The following ROBO1 variants were observed in gnomAD, a reference collection of about 807,000 sequenced individuals.
ROBO1 encodes roundabout guidance receptor 1.
In ROBO1, 149 loss-of-function variants were observed where a neutral mutation model predicts 195.9. The observed-to-expected ratio is 0.76, with a 90% confidence interval of 0.67 to 0.87. The LOEUF (loss-of-function observed/expected upper bound fraction) is 0.87, where lower values mean the gene tolerates loss of function less well. Among genes scored for constraint, ROBO1 ranks in the 40% least tolerant of loss-of-function variants. ROBO1 has a pLI of 0.00. For synonymous variants in ROBO1, 816 were observed against 733.2 expected, an observed-to-expected ratio of 1.11 and a Z score of -1.82; for missense variants, 1,933 against 2,068.3, an observed-to-expected ratio of 0.93 and a Z score of 1.27.
At chr3:79,061,007 A>C (rs2078907125) in intron 3 of ROBO1, among the ~76,000 whole-genome samples, 2 of 152,148 alleles carry the variant, frequency 1.3e-5, no homozygotes, top group South Asian at 4.1e-4. Context: ...CAGGGCAATC[A>C]GGCCAAGAGA....
chr3:79,750,946 A>T (rs1576317888), intron 1 of ROBO1, among the ~76,000 whole-genome samples: 1 of 152,220 alleles, frequency 6.6e-6, no homozygotes, highest in East Asian at 1.9e-4. Flanking sequence ...TAAACAAACC[A>T]TTAATTTTTT....
At chr3:78,989,464 A>AT (rs567793668) in intron 3 of ROBO1, among the ~76,000 whole-genome samples, 78 of 152,282 alleles carry the variant, frequency 5.1e-4, no homozygotes, top group African/African-American at 1.6e-3. Context: ...AAATACAAAA[A>AT]TTAGCTGGGC....
intron 4 of ROBO1, among the ~76,000 whole-genome samples, chr3:78,842,896 GA>G (rs1380178731): frequency 6.6e-6 from 1 of 151,804 alleles, no homozygotes; most frequent in African/African-American, 2.4e-5. Context: ...CTTTCAAAAG[GA>G]CATTTATACC....
At chr3:79,652,917 T>C (rs75641904) in intron 1 of ROBO1, among the ~76,000 whole-genome samples, 4 of 151,978 alleles carry the variant, frequency 2.6e-5, no homozygotes, top group Non-Finnish European at 5.9e-5. Flanking sequence ...CAGACCATTC[T>C]ACTTAAAGAA....
At chr3:79,543,861 G>A (rs1208609532) in intron 2 of ROBO1, among the ~76,000 whole-genome samples, 4 of 152,076 alleles carry the variant, frequency 2.6e-5, no homozygotes, top group Non-Finnish European at 5.9e-5. Flanking sequence ...GTATGCAAAT[G>A]TGTGGTATCC....
chr3:78,644,138 T>A (rs367594691), intron 21 of ROBO1, among the ~76,000 whole-genome samples: 1 of 151,962 alleles, frequency 6.6e-6, no homozygotes, highest in Admixed American at 6.6e-5. Context: ...CAGACACACA[T>A]ACACACACAA....
At chr3:79,719,735 A>G (rs945788047) in intron 1 of ROBO1, among the ~76,000 whole-genome samples, 6 of 152,204 alleles carry the variant, frequency 3.9e-5, no homozygotes, top group Non-Finnish European at 8.8e-5. Flanking sequence ...ATAATAATCA[A>G]CATTTTCTAA....
intron 2 of ROBO1, among the ~76,000 whole-genome samples, chr3:79,363,607 A>G (rs1280549699): frequency 3.9e-5 from 6 of 152,204 alleles, no homozygotes; most frequent in Non-Finnish European, 5.9e-5. Context: ...GCAAAGAAAG[A>G]TATCAGTTTC....
intron 3 of ROBO1, among the ~76,000 whole-genome samples, chr3:79,023,014 C>T (rs911580133): frequency 6.6e-6 from 1 of 152,202 alleles, no homozygotes; most frequent in South Asian, 2.1e-4. Context: ...ATACCACTTA[C>T]TCCGATGAGT....
chr3:79,622,805 A>G (rs991928480), intron 1 of ROBO1, among the ~76,000 whole-genome samples: 2 of 152,296 alleles, frequency 1.3e-5, no homozygotes, highest in African/African-American at 4.8e-5. Context: ...CACCCCCTCC[A>G]CCAAAGGACA....
At chr3:78,665,347 T>G (rs1171381459) in intron 14 of ROBO1, among the ~76,000 whole-genome samples, 4 of 152,186 alleles carry the variant, frequency 2.6e-5, no homozygotes, top group Non-Finnish European at 5.9e-5. Flanking sequence ...GTCAGATCAC[T>G]CCGAAAGCCC....
chr3:78,823,032 T>A (rs2031166137), intron 4 of ROBO1, among the ~76,000 whole-genome samples: 1 of 152,232 alleles, frequency 6.6e-6, no homozygotes, highest in African/African-American at 2.4e-5. Flanking sequence ...CTGTACTTCA[T>A]TGCTTTTCAC....
intron 3 of ROBO1, among the ~76,000 whole-genome samples, chr3:79,049,342 T>G (rs1433440472): frequency 6.6e-6 from 1 of 151,818 alleles, no homozygotes. Flanking sequence ...AAGACAAGAT[T>G]AGAGAAAAAT....
intron 3 of ROBO1, among the ~76,000 whole-genome samples, chr3:79,013,536 A>G (rs1277061401): frequency 4.1e-4 from 63 of 152,130 alleles, no homozygotes; most frequent in Non-Finnish European, 5.9e-5. Flanking sequence ...ATTTAAGTGG[A>G]TTTTTTCTGA....
intron 2 of ROBO1, among the ~76,000 whole-genome samples, chr3:79,454,756 A>C (rs1431045898): frequency 6.6e-6 from 1 of 152,100 alleles, no homozygotes; most frequent in Non-Finnish European, 1.5e-5. Context: ...ATATCCATGC[A>C]TCTCATCTTT....
intron 4 of ROBO1, among the ~76,000 whole-genome samples, chr3:78,892,707 T>C (rs1268695216): frequency 2.0e-5 from 3 of 152,220 alleles, no homozygotes; most frequent in African/African-American, 7.2e-5. Flanking sequence ...AGTGAAGAAA[T>C]ACTTAGTTCA....
At chr3:78,770,413 T>A (rs1332649518) in intron 4 of ROBO1, among the ~76,000 whole-genome samples, 5 of 152,206 alleles carry the variant, frequency 3.3e-5, no homozygotes, top group African/African-American at 1.2e-4. Context: ...TGTTGGCTGC[T>A]TATATGTTTT....
At chr3:79,322,347 G>C (rs1011274096) in intron 2 of ROBO1, among the ~76,000 whole-genome samples, 1 of 152,150 alleles carries the variant, frequency 6.6e-6, no homozygotes, top group Non-Finnish European at 1.5e-5. Flanking sequence ...GTATACGTTA[G>C]TATTTTAAAT....
intron 2 of ROBO1, among the ~76,000 whole-genome samples, chr3:79,506,131 T>A (rs1940380723): frequency 6.6e-6 from 1 of 151,900 alleles, no homozygotes; most frequent in African/African-American, 2.4e-5. Flanking sequence ...ATTTATTTAT[T>A]ATTATTATAT....
Sources: gnomAD v4.1 joint callset for allele counts (sites outside exome capture counted in the v4.1 genomes callset) on GRCh38, gnomAD v4.1.1 for gene constraint, MANE v1.5 for transcripts, NCBI Gene and HGNC (gene_info 2026-07-23, HGNC 2026-07-21) for gene names.